MTMR4: variants seen among roughly 807,000 people sequenced by gnomAD.
MTMR4 encodes the protein myotubularin related protein 4, also known as phosphatidylinositol-3,5-bisphosphate 3-phosphatase MTMR4.
MTMR4 carries 30 observed loss-of-function variants against 125.5 expected under a neutral mutation model. The ratio of observed to expected loss-of-function variants is 0.24; its 90% CI spans 0.18 to 0.32. The LOEUF (loss-of-function observed/expected upper bound fraction) is 0.32, where lower values mean the gene tolerates loss of function less well. Among genes scored for constraint, MTMR4 ranks in the 10% least tolerant of loss-of-function variants. MTMR4 has a pLI of 1.00. For missense variants in MTMR4, 1,039 were observed against 1,511.5 expected, an observed-to-expected ratio of 0.69 and a Z score of 5.18; for synonymous variants, 498 against 564.5, an observed-to-expected ratio of 0.88 and a Z score of 1.67.
intron 7 of MTMR4, chr17:58,507,949 ACACACT>A: frequency 2.2e-6 from 1 of 456,448 alleles, no homozygotes; most frequent in Non-Finnish European, 3.9e-6. Context: ...ACACACACAC[ACACACT>A]CTAAAAAAAG....
chr17:58,493,185 C>T (rs1435429857), intron 15 of MTMR4, among the ~76,000 whole-genome samples: 2 of 152,242 alleles, frequency 1.3e-5, no homozygotes, highest in South Asian at 2.1e-4. Context: ...TTCAGATTTA[C>T]ACTCTTACCG....
chr17:58,503,079 C>T (rs990222822), intron 14 of MTMR4, among the ~76,000 whole-genome samples: 1 of 152,164 alleles, frequency 6.6e-6, no homozygotes, highest in Non-Finnish European at 1.5e-5. Context: ...ATGCTGGACA[C>T]AACAAAGGTT....
At chr17:58,505,439 A>C in intron 10 of MTMR4, 33 bp downstream of exon 10, 2 of 1,517,208 alleles carry the variant, frequency 1.3e-6, no homozygotes, top group Non-Finnish European at 1.8e-6. Flanking sequence ...GTAAGGAATG[A>C]GACTGGAAGG....
intron 14 of MTMR4, among the ~76,000 whole-genome samples, chr17:58,501,597 T>A (rs564934612): frequency 6.6e-6 from 1 of 151,474 alleles, no homozygotes; most frequent in African/African-American, 2.4e-5. Context: ...TATACATATA[T>A]ACACACATAT....
At chr17:58,501,717 A>C (rs1049962783) in intron 14 of MTMR4, among the ~76,000 whole-genome samples, 4 of 152,018 alleles carry the variant, frequency 2.6e-5, no homozygotes, top group Admixed American at 2.0e-4. Flanking sequence ...CTTTGAGCAC[A>C]GTATTTTCAT....
In MTMR4 at chr17:58,490,458, A is replaced by G. The variant is rs967849019; in HGVS notation, c.*1205T>C. The G allele has an allele frequency of 7.9e-5, 12 of 152,606 alleles. No individual in the cohort carries two copies. Among genetic ancestry groups the G allele is most frequent in the African/African-American group, 2.7e-4 (11 of 41,432 alleles). The allele number at this position is 152,606 out of a possible 1,614,324, so 9.5% of individuals were successfully genotyped here. On this transcript the variant is annotated 3_prime_UTR_variant, in exon 18 of 18. Coordinates refer to ENST00000682306, the MANE Select transcript of MTMR4 (RefSeq NM_001378067.1). Reference sequence around the variant, plus strand: ...AAATAAAATTTTTTAAAAACCAACAACGTTTGGTCCAAATGGACACATGTT... The same window carrying G: ...AAATAAAATTTTTTAAAAACCAACAGCGTTTGGTCCAAATGGACACATGTT...
chr17:58,506,539 C>T lies in MTMR4; in HGVS notation c.1033+204G>A, dbSNP rs146550574. On this transcript the variant is annotated intron_variant, in intron 9 of 17. Transcript: ENST00000682306. ...AACAATTTTGCAAAGTGTGTAACAT[C>T]CCCTTCTTATAGAAGAGAAAATAAA... Among the ~76,000 whole-genome samples the T allele has an allele frequency of 4.8e-3, 726 of 152,336 alleles. 6 individuals carry two copies. Among genetic ancestry groups the T allele is most frequent in the African/African-American group, 0.017 (697 of 41,576 alleles).
In MTMR4 at chr17:58,514,637, G is replaced by A. The variant is rs1976035657; in HGVS notation, c.-230C>T. ...CTCCCGCACGAGTGCAGAAGGGAGG[G>A]GAGCCAGGCGAGGGGAGAGCCCGGG... On this transcript the variant is annotated 5_prime_UTR_variant, in exon 1 of 18. Transcript: ENST00000682306. The A allele has an allele frequency of 1.0e-6, 1 of 985,222 alleles. No homozygotes were observed. The highest frequency in any genetic ancestry group is 6.1e-5 in the Admixed American group (1 of 16,266). The allele number at this position is 985,222 out of a possible 1,614,324, so 61.0% of individuals were successfully genotyped here.
chr17:58,499,081 T>C (rs1008446666), intron 14 of MTMR4, among the ~76,000 whole-genome samples: 2 of 152,148 alleles, frequency 1.3e-5, no homozygotes, highest in African/African-American at 4.8e-5. Context: ...CAGACCACAG[T>C]AACTTCCTAC....
chr17:58,506,236 G>A (rs1975776456), intron 9 of MTMR4, among the ~76,000 whole-genome samples: 1 of 152,220 alleles, frequency 6.6e-6, no homozygotes. Context: ...GGCTAGAGGT[G>A]CAGTGGCATG....
rs368765008 is a variant in MTMR4, at chr17:58,495,998, C to T, written c.2186G>A (p.Ser729Asn). The change falls in exon 15 of 18, where the codon AGC (serine) becomes AAC (asparagine). Residue 729 changes from serine to asparagine, a missense_variant. Ser to Asn is a conservative substitution (Grantham distance 46, BLOSUM62 1). This residue lies in a region of MTMR4 where 619 missense variants were observed against 714.5 expected (regional missense o/e 0.87). Coordinates refer to ENST00000682306, the MANE Select transcript of MTMR4 (RefSeq NM_001378067.1). ...LNTAVPREMKSNTSDPEIKVL... is the reference protein window; with the variant it reads ...LNTAVPREMKNNTSDPEIKVL... ...TTTGATCTCAGGATCAGAGGTGTTG[C>T]TCTTCATTTCCCGAGGCACTGCGGT... The T allele has an allele frequency of 4.6e-5, 75 of 1,613,994 alleles. No homozygotes were observed. Among genetic ancestry groups the T allele is most frequent in the Non-Finnish European group, 6.1e-5 (72 of 1,180,038 alleles).
intron 16 of MTMR4, 103 bp downstream of exon 16, chr17:58,492,739 T>C (rs1251076455): frequency 3.7e-6 from 5 of 1,344,088 alleles, no homozygotes; most frequent in Non-Finnish European, 5.3e-6. Context: ...AGGCTGACAC[T>C]CCTCTGGGGG....
At chr17:58,501,870 C>T (rs1358838165) in intron 14 of MTMR4, among the ~76,000 whole-genome samples, 2 of 151,802 alleles carry the variant, frequency 1.3e-5, no homozygotes, top group African/African-American at 2.4e-5. Flanking sequence ...ACCAGTGTGA[C>T]CAACATGGTA....
chr17:58,505,363 C>T lies in MTMR4; in HGVS notation c.1145+109G>A, dbSNP rs1005275454. 8.5e-6 allele frequency: 8 copies of T among 938,652 alleles called. No homozygotes were observed. The African/African-American group carries it at 9.8e-5, about 11-fold the overall frequency. The allele number at this position is 938,652 out of a possible 1,614,324, so 58.1% of individuals were successfully genotyped here. On this transcript the variant is annotated intron_variant, in intron 10 of 17. Transcript: ENST00000682306. ...CACGGCACCCAACTCCACCCAGGCC[C>T]TCAGGTCTCCTGCTCTCCAAACTTC... is the stretch of plus-strand genomic sequence containing the variant.
chr17:58,514,583 C>T lies in MTMR4; in HGVS notation c.-176G>A, dbSNP rs1976033770. Reference sequence around the variant, plus strand: ...GGCTCCCGCGCGCCTCTCCCCTCCTCTCCACAATGGAGCGGGCCCAGCTCC... The same window carrying T: ...GGCTCCCGCGCGCCTCTCCCCTCCTTTCCACAATGGAGCGGGCCCAGCTCC... On this transcript the variant is annotated 5_prime_UTR_variant, in exon 1 of 18. Transcript: ENST00000682306. 2 of 985,150 alleles carry T rather than the reference C, an allele frequency of 2.0e-6. No homozygotes were observed. The highest frequency in any genetic ancestry group is 1.7e-5 in the African/African-American group (1 of 57,180). The allele number at this position is 985,150 out of a possible 1,614,324, so 61.0% of individuals were successfully genotyped here.
In MTMR4 at chr17:58,511,503, G is replaced by A. The variant is rs746622292; in HGVS notation, c.261C>T (p.Leu87=). The A allele has an allele frequency of 6.2e-7, 1 of 1,612,650 alleles. No individual in the cohort carries two copies. The highest frequency in any genetic ancestry group is 8.5e-7 in the Non-Finnish European group (1 of 1,179,420). The stretch of plus-strand genomic sequence containing the variant: ...GGCTCTCCACACTGTCAATCATCCG[G>A]AGGGGGACCTGTAGAGGAAGGGCAA... The part of the protein sequence containing the change: ...KFKDSVINVP[L]RMIDSVESRD... The change falls in exon 4 of 18, where the codon CTC becomes CTT. Residue 87 remains leucine (L), a synonymous_variant. Coordinates refer to ENST00000682306, the MANE Select transcript of MTMR4 (RefSeq NM_001378067.1).
At chr17:58,503,111 C>T (rs1975684115) in intron 14 of MTMR4, among the ~76,000 whole-genome samples, 1 of 152,164 alleles carries the variant, frequency 6.6e-6, no homozygotes, top group African/African-American at 2.4e-5. Flanking sequence ...AGCAAGCTCC[C>T]CATGCCCTGT....
chr17:58,503,694 T>G, intron 14 of MTMR4, 50 bp downstream of exon 14: 2 of 1,554,624 alleles, frequency 1.3e-6, no homozygotes, highest in Non-Finnish European at 1.7e-6. Context: ...TGGGAAACAG[T>G]TACTGCCTTC....
At chr17:58,514,756 T>C, upstream of MTMR4, 1 of 803,436 alleles carries the variant, frequency 1.2e-6, no homozygotes, top group South Asian at 5.7e-5. Flanking sequence ...CTGGGCCTCG[T>C]AGGAGGGCGT....
Sources: allele counts gnomAD v4.1 joint callset (sites outside exome capture counted in the v4.1 genomes callset), GRCh38; gene constraint gnomAD v4.1.1; regional missense constraint gnomAD v4.1.1; transcripts MANE v1.5; gene names NCBI Gene and HGNC (gene_info 2026-07-23, HGNC 2026-07-21).